RREB1: variants seen among roughly 807,000 people sequenced by gnomAD.
The protein encoded by RREB1 is ras responsive element binding protein 1, also known as ras-responsive element-binding protein 1.
Under a neutral mutation model 117.8 loss-of-function variants are expected in RREB1, and 27 were observed. That is an observed-to-expected ratio of 0.23 (90% CI 0.17 to 0.32). RREB1 has a LOEUF of 0.32. Ranked by LOEUF, RREB1 falls within the 10% of genes least tolerant of loss-of-function variation. The probability of loss-of-function intolerance (pLI) is 1.00; values close to 1 mark genes in which losing one functional copy is unlikely to be tolerated. For synonymous variants in RREB1, 1,298 were observed against 1,026.7 expected, an observed-to-expected ratio of 1.26 and a Z score of -5.05; for missense variants, 2,577 against 2,378.2, an observed-to-expected ratio of 1.08 and a Z score of -1.74.
At chr6:7,180,661 G>C (rs572049609) in intron 2 of RREB1, among the ~76,000 whole-genome samples, 17 of 152,300 alleles carry the variant, frequency 1.1e-4, no homozygotes, top group Admixed American at 7.8e-4. Context: ...TTTTCCCTTT[G>C]GTCATTCTTT....
chr6:7,139,445 GTTAAAA>G (rs1383237106), intron 1 of RREB1: 1 of 152,168 alleles, frequency 6.6e-6, no homozygotes, highest in Non-Finnish European at 1.5e-5. Context: ...AATGGTAAAT[GTTAAAA>G]TTAAAGATCT....
chr6:7,123,846 C>T (rs1369588724), intron 1 of RREB1, among the ~76,000 whole-genome samples: 2 of 151,898 alleles, frequency 1.3e-5, no homozygotes, highest in Admixed American at 6.6e-5. Flanking sequence ...CTCCTGACCT[C>T]GTGATCCACC....
chr6:7,114,977 A>G (rs907091326), intron 1 of RREB1, among the ~76,000 whole-genome samples: 2 of 140,548 alleles, frequency 1.4e-5, no homozygotes, highest in East Asian at 3.9e-4. Context: ...GTTCTAAGTT[A>G]TGTGGAGTAT....
chr6:7,118,256 G>A (rs959127021), intron 1 of RREB1, among the ~76,000 whole-genome samples: 2 of 152,136 alleles, frequency 1.3e-5, no homozygotes, highest in Non-Finnish European at 2.9e-5. Flanking sequence ...GAGTAGCTGG[G>A]ATTACAGGCG....
Position 7,230,621 on chromosome 6 carries a change from C to T in RREB1, c.2522C>T (p.Ala841Val), listed in dbSNP as rs778172996. The change falls in exon 10 of 13, where the codon GCG becomes GTG. Residue 841 changes from alanine to valine, a missense_variant. By Grantham distance (64) the Ala-to-Val change is moderately conservative. Coordinates refer to ENST00000379938, the MANE Select transcript of RREB1 (RefSeq NM_001003699.4). Reference sequence around the variant, plus strand: ...CCCGCAGAGGCGCCGGCCGCTGAGGCGTCGGGGCGCGGGGAGGACAGTGGC... The same window carrying T: ...CCCGCAGAGGCGCCGGCCGCTGAGGTGTCGGGGCGCGGGGAGGACAGTGGC... The part of the protein sequence containing the change: ...LGPAEAPAAE[A>V]SGRGEDSGCA... 1.9e-6 allele frequency: 3 copies of T among 1,604,034 alleles called. No individual in the cohort carries two copies. The highest frequency in any genetic ancestry group is 2.6e-6 in the Non-Finnish European group (3 of 1,175,538).
intron 1 of RREB1, among the ~76,000 whole-genome samples, chr6:7,123,791 T>C (rs749581055): frequency 2.6e-5 from 4 of 151,986 alleles, no homozygotes; most frequent in South Asian, 2.1e-4. Flanking sequence ...TTTTGTATTT[T>C]TAATAGCGAT....
chr6:7,183,971 G>A, intron 4 of RREB1: 1 of 152,152 alleles, frequency 6.6e-6, no homozygotes, highest in East Asian at 1.9e-4. Context: ...GGAATGGTTA[G>A]TTATCACATT....
chr6:7,196,101 A>G (rs1320382124), intron 6 of RREB1, among the ~76,000 whole-genome samples: 2 of 151,040 alleles, frequency 1.3e-5, no homozygotes, highest in African/African-American at 4.9e-5. Context: ...CACACGTGGG[A>G]TGCACACCTC....
Position 7,231,071 on chromosome 6 carries a change from G to C in RREB1, c.2972G>C (p.Ser991Thr). Residue 991 changes from serine (S) to threonine (T), a missense_variant, in exon 10 of 13, where the codon AGC becomes ACC. Coordinates refer to ENST00000379938, the MANE Select transcript of RREB1 (RefSeq NM_001003699.4). ...VTLGPSGILESPMAPAPAATP... is the reference protein window; with the variant it reads ...VTLGPSGILETPMAPAPAATP... ...TTGGGGCCCAGCGGAATCCTGGAAA[G>C]CCCCATGGCCCCTGCTCCGGCGGCC... 5.0e-6 allele frequency: 8 copies of C among 1,613,434 alleles called. No individual in the cohort carries two copies. The highest frequency in any genetic ancestry group is 6.8e-6 in the Non-Finnish European group (8 of 1,179,950).
At chr6:7,135,078 A>G (rs1349275926) in intron 1 of RREB1, among the ~76,000 whole-genome samples, 2 of 152,218 alleles carry the variant, frequency 1.3e-5, no homozygotes, top group African/African-American at 2.4e-5. Context: ...ACTGTGATCT[A>G]TTAGAGAGAG....
At position 7,229,732 on chromosome 6, in the gene RREB1, C is replaced by G; in HGVS notation, c.1633C>G (p.Pro545Ala). ...PGCISPSLPP[P>A]PLKLLKGSVE... The stretch of plus-strand genomic sequence containing the variant: ...CTGTATCAGCCCCAGCCTGCCGCCA[C>G]CGCCCCTGAAGCTCCTCAAAGGCTC... Residue 545 changes from proline to alanine, a missense_variant, in exon 10 of 13, where the codon CCG becomes GCG. Pro to Ala is a conservative substitution (Grantham distance 27, BLOSUM62 -1). Transcript: ENST00000379938. The surrounding 1 kb of genome is among the most constrained non-coding windows in gnomAD (Gnocchi z 4.5). 1 of 1,600,684 alleles carries G rather than the reference C, an allele frequency of 6.2e-7. No individual in the cohort carries two copies. The highest frequency in any genetic ancestry group is 8.5e-7 in the Non-Finnish European group (1 of 1,171,258).
chr6:7,241,831 C>A (rs1360143100), intron 11 of RREB1, among the ~76,000 whole-genome samples: 1 of 152,186 alleles, frequency 6.6e-6, no homozygotes, highest in Non-Finnish European at 1.5e-5. Flanking sequence ...TTCACTGCTT[C>A]CCCAGCTTCC....
intron 6 of RREB1, among the ~76,000 whole-genome samples, chr6:7,190,344 G>A (rs191200194): frequency 1.7e-4 from 26 of 151,986 alleles, no homozygotes; most frequent in Admixed American, 1.0e-3. Context: ...ATTTTTAATC[G>A]TACCTACATC....
chr6:7,222,860 A>G (rs1339089835), intron 8 of RREB1, among the ~76,000 whole-genome samples: 1 of 152,200 alleles, frequency 6.6e-6, no homozygotes, highest in Non-Finnish European at 1.5e-5. Flanking sequence ...TGCCATATTA[A>G]GAGGCATTCA....
chr6:7,120,344 C>T (rs1761622209), intron 1 of RREB1, among the ~76,000 whole-genome samples: 1 of 151,998 alleles, frequency 6.6e-6, no homozygotes, highest in Admixed American at 6.5e-5. Flanking sequence ...GTCCCAGATA[C>T]TCAGGAGACT....
rs540696657 is a variant in RREB1, at chr6:7,141,167, C to T, written c.-285+33107C>T. Among the ~76,000 whole-genome samples the T allele has an allele frequency of 1.1e-3, 160 of 151,960 alleles. 2 individuals are homozygous for T. Among genetic ancestry groups the T allele is most frequent in the African/African-American group, 3.5e-3 (145 of 41,460 alleles). On this transcript the variant is annotated intron_variant, in intron 1 of 12. Transcript: ENST00000379938. ...CCCCAGGGCTCCCGCGGTGGGTGTC[C>T]GGTGAGCGGGTAGCGAGGCCATCAG...
chr6:7,202,852 T>G (rs1226906743), intron 6 of RREB1, among the ~76,000 whole-genome samples: 1 of 152,242 alleles, frequency 6.6e-6, no homozygotes, highest in African/African-American at 2.4e-5. Flanking sequence ...TCTATGTTAA[T>G]GAGAGTTCTC....
chr6:7,236,473 G>T (rs1049753475), intron 10 of RREB1, among the ~76,000 whole-genome samples: 1 of 152,084 alleles, frequency 6.6e-6, no homozygotes, highest in Non-Finnish European at 1.5e-5. Flanking sequence ...CTTGTATTTG[G>T]CTCCTTTTAG....
chr6:7,231,096 C>T lies in RREB1; in HGVS notation c.2997C>T (p.Ala999=), dbSNP rs775407045. 4 of 1,613,112 alleles carry T rather than the reference C, an allele frequency of 2.5e-6. No homozygotes were observed. Among genetic ancestry groups the T allele is most frequent in the Non-Finnish European group, 2.5e-6 (3 of 1,179,968 alleles). ...GCCCCATGGCCCCTGCTCCGGCGGCCACCCCGGAACCCCCAGCACAGCCCC... is the reference window on the plus strand; with the variant it reads ...GCCCCATGGCCCCTGCTCCGGCGGCTACCCCGGAACCCCCAGCACAGCCCC... The part of the protein sequence containing the change: ...LESPMAPAPA[A]TPEPPAQPLQ... The change falls in exon 10 of 13, where the codon GCC becomes GCT. Residue 999 remains alanine (A), a synonymous_variant. Coordinates refer to ENST00000379938, the MANE Select transcript of RREB1 (RefSeq NM_001003699.4).
Sources: allele counts gnomAD v4.1 joint callset (sites outside exome capture counted in the v4.1 genomes callset), GRCh38; gene constraint gnomAD v4.1.1; non-coding constraint Gnocchi (gnomAD v3.1); transcripts MANE v1.5; gene names NCBI Gene and HGNC (gene_info 2026-07-23, HGNC 2026-07-21).